Variants in PIP5K1A observed in about 807,000 individuals in gnomAD.
The protein encoded by PIP5K1A is phosphatidylinositol 4-phosphate 5-kinase type-1 alpha.
In PIP5K1A, 46 loss-of-function variants were observed where a neutral mutation model predicts 72.9. The observed-to-expected ratio is 0.63, with a 90% CI of 0.50 to 0.81. The LOEUF (loss-of-function observed/expected upper bound fraction) is 0.81. Ranked by LOEUF, PIP5K1A falls within the 30% of genes least tolerant of loss-of-function variation. The probability of loss-of-function intolerance (pLI) is 0.00; values close to 1 mark genes in which losing one functional copy is unlikely to be tolerated. For missense variants in PIP5K1A, 458 were observed against 706.1 expected, an observed-to-expected ratio of 0.65 and a Z score of 3.98; for synonymous variants, 228 against 255.1, an observed-to-expected ratio of 0.89 and a Z score of 1.01.
At chr1:151,220,174 T>C (rs914001490) in intron 1 of PIP5K1A, among the ~76,000 whole-genome samples, 2 of 151,726 alleles carry the variant, frequency 1.3e-5, no homozygotes, top group Non-Finnish European at 2.9e-5. Flanking sequence ...TTGGCTACTT[T>C]TTTGTATTTT....
chr1:151,208,717 C>T (rs1165592586), intron 1 of PIP5K1A, among the ~76,000 whole-genome samples: 1 of 101,940 alleles, frequency 9.8e-6, no homozygotes, highest in Non-Finnish European at 2.0e-5. Context: ...TGTAATGGTA[C>T]GCTTTTTTTT....
intron 10 of PIP5K1A, chr1:151,238,651 C>G (rs1691224010): frequency 3.8e-6 from 1 of 265,162 alleles, no homozygotes; most frequent in African/African-American, 2.3e-5. Context: ...TCACTGTGTT[C>G]TGTAAAATGT....
At chr1:151,225,383 A>T (rs1472421917) in intron 3 of PIP5K1A, among the ~76,000 whole-genome samples, 1 of 151,966 alleles carries the variant, frequency 6.6e-6, no homozygotes, top group Non-Finnish European at 1.5e-5. Flanking sequence ...TATTGATGTT[A>T]TGAAGAGTAA....
chr1:151,236,891 G>A (rs771822895), intron 9 of PIP5K1A, 128 bp downstream of exon 9: 13 of 651,316 alleles, frequency 2.0e-5, no homozygotes, highest in Non-Finnish European at 3.0e-5. Context: ...GCAATGGCAC[G>A]ATCTCAGCCT....
In PIP5K1A at chr1:151,242,584, C is replaced by G; in HGVS notation, c.1640+17C>G. The G allele has an allele frequency of 6.2e-7, 1 of 1,608,344 alleles. No individual in the cohort carries two copies. Among genetic ancestry groups the G allele is most frequent in the Non-Finnish European group, 8.5e-7 (1 of 1,175,122 alleles). ...AACTACAAGGTTGGTTTATTGGCCC[C>G]TTTCTCCATATAATCTTATCTCTCT... On this transcript the variant is annotated intron_variant, in intron 14 of 15. Coordinates refer to ENST00000368888, the MANE Select transcript of PIP5K1A (RefSeq NM_001135638.2).
intron 1 of PIP5K1A, among the ~76,000 whole-genome samples, chr1:151,215,160 A>G (rs768240549): frequency 6.7e-6 from 1 of 149,502 alleles, no homozygotes; most frequent in Non-Finnish European, 1.5e-5. Flanking sequence ...CCTCCCGAGT[A>G]GCTGGGATTA....
intron 14 of PIP5K1A, 41 bp downstream of exon 14, chr1:151,242,608 CT>C (rs780756737): frequency 1.9e-6 from 3 of 1,558,684 alleles, no homozygotes; most frequent in African/African-American, 2.7e-5. Context: ...TCTTATCTCT[CT>C]TTTCAAGTCC....
intron 1 of PIP5K1A, among the ~76,000 whole-genome samples, chr1:151,205,771 CAG>C (rs1685839196): frequency 6.6e-6 from 1 of 151,892 alleles, no homozygotes; most frequent in South Asian, 2.1e-4. Context: ...GCACTCCAGC[CAG>C]GGCAACAGAG....
chr1:151,219,441 C>G (rs1688088089), intron 1 of PIP5K1A, among the ~76,000 whole-genome samples: 1 of 151,308 alleles, frequency 6.6e-6, no homozygotes, highest in Non-Finnish European at 1.5e-5. Flanking sequence ...AATCCCAGCA[C>G]TTTGGGAGGC....
At position 151,234,515 on chromosome 1, in the gene PIP5K1A, C is replaced by T; in HGVS notation, c.939+19C>T. 3 of 1,602,450 alleles carry T rather than the reference C, an allele frequency of 1.9e-6. No individual in the cohort carries two copies. Among genetic ancestry groups the T allele is most frequent in the South Asian group, 2.2e-5 (2 of 90,724 alleles). On this transcript the variant is annotated intron_variant, in intron 8 of 15. Coordinates refer to ENST00000368888, the MANE Select transcript of PIP5K1A (RefSeq NM_001135638.2). ...CTGTTTGGTGAGTTTGTTACTTAGA[C>T]ATCAAAAATCTCAGTTACTAAAACA... is the stretch of plus-strand genomic sequence containing the variant.
chr1:151,243,246 C>T (rs996212879), intron 14 of PIP5K1A, among the ~76,000 whole-genome samples: 1 of 152,198 alleles, frequency 6.6e-6, no homozygotes, highest in African/African-American at 2.4e-5. Context: ...CTGACCCCCT[C>T]CCAGGGTCTC....
At chr1:151,224,621 G>C (rs1688849396) in intron 3 of PIP5K1A, among the ~76,000 whole-genome samples, 1 of 152,106 alleles carries the variant, frequency 6.6e-6, no homozygotes, top group African/African-American at 2.4e-5. Flanking sequence ...AAGAAAGTGA[G>C]GATTGCATAG....
At position 151,229,244 on chromosome 1, in the gene PIP5K1A, T is replaced by TGGG. The variant is rs901623713; in HGVS notation, c.237+1845_237+1847dup. On this transcript the variant is annotated intron_variant, in intron 4 of 15. Coordinates refer to ENST00000368888, the MANE Select transcript of PIP5K1A (RefSeq NM_001135638.2). ...CTCTGTTGCCCAGACTGGAATGCAG[T>TGGG]GGGTGCGTTGATGGCACACTGCAGC... 7.8e-4 allele frequency among the ~76,000 whole-genome samples: 113 copies of TGGG among 145,034 alleles called. 1 individual carries two copies. The highest frequency in any genetic ancestry group is 4.2e-3 in the South Asian group (19 of 4,560).
chr1:151,215,748 T>C (rs587720909), intron 1 of PIP5K1A, among the ~76,000 whole-genome samples: 4 of 152,320 alleles, frequency 2.6e-5, no homozygotes, highest in Non-Finnish European at 5.9e-5. Flanking sequence ...GCTCCGAGAA[T>C]TTTTGTGTCA....
chr1:151,248,129 A>C lies in PIP5K1A; in HGVS notation c.*264A>C. ...CCAGAGTTGGGTGGTATGGATTTTC[A>C]ACTGGCCAACCCTTTGCCTCCACTA... On this transcript the variant is annotated 3_prime_UTR_variant, in exon 16 of 16. Transcript: ENST00000368888. 1 of 496,088 alleles carries C rather than the reference A, an allele frequency of 2.0e-6. No homozygotes were observed. Among genetic ancestry groups the C allele is most frequent in the Non-Finnish European group, 3.6e-6 (1 of 277,788 alleles). The allele number at this position is 496,088 out of a possible 1,614,324, so 30.7% of individuals were successfully genotyped here.
intron 2 of PIP5K1A, 41 bp from the exon 3 acceptor site, chr1:151,224,330 A>C (rs1688808773): frequency 6.2e-7 from 1 of 1,609,260 alleles, no homozygotes; most frequent in Admixed American, 1.7e-5. Flanking sequence ...TCTGGGATAG[A>C]AGGAACCTGT....
At chr1:151,238,534 A>T (rs1295527053) in intron 10 of PIP5K1A, 1 of 422,544 alleles carries the variant, frequency 2.4e-6, no homozygotes, top group Non-Finnish European at 4.4e-6. Context: ...CCAGGGTAGA[A>T]TATGCCATCT....
chr1:151,199,707 G>C (rs978344508), intron 1 of PIP5K1A, among the ~76,000 whole-genome samples: 3 of 150,818 alleles, frequency 2.0e-5, no homozygotes, highest in African/African-American at 4.9e-5. Flanking sequence ...GAAGTAGAGA[G>C]AACTACTTAG....
chr1:151,236,791 G>GAGA (rs1364419370), intron 9 of PIP5K1A, 28 bp downstream of exon 9: 2 of 1,394,228 alleles, frequency 1.4e-6, no homozygotes, highest in African/African-American at 2.9e-5. Flanking sequence ...CACTAGGGGG[G>GAGA]AGAACATAGG....
Sources: gnomAD v4.1 joint callset for allele counts (sites outside exome capture counted in the v4.1 genomes callset) on GRCh38, gnomAD v4.1.1 for gene constraint, MANE v1.5 for transcripts, NCBI Gene and HGNC (gene_info 2026-07-23, HGNC 2026-07-21) for gene names.